The following IBA57 variants were observed in gnomAD, a reference collection of about 807,000 sequenced individuals.
IBA57 encodes the protein iron-sulfur cluster assembly factor IBA57.
IBA57 carries 20 observed loss-of-function variants against 20.4 expected under a neutral mutation model. That is an observed-to-expected ratio of 0.98 (90% CI 0.69 to 1.42). The LOEUF (loss-of-function observed/expected upper bound fraction) is 1.42. Ranked by LOEUF, IBA57 falls within the 40% of genes most tolerant of loss-of-function variation. IBA57 has a pLI of 0.00. For missense variants in IBA57, 608 were observed against 499.3 expected, an observed-to-expected ratio of 1.22 and a Z score of -2.07; for synonymous variants, 310 against 233.9, an observed-to-expected ratio of 1.33 and a Z score of -2.97.
At chr1:228,166,839 C>T (rs749779031) in intron 1 of IBA57, among the ~76,000 whole-genome samples, 33 of 152,260 alleles carry the variant, frequency 2.2e-4, no homozygotes, top group Middle Eastern at 6.8e-3. Flanking sequence ...ATCTGGTTCG[C>T]GGCCGCCTGC....
Position 228,180,468 on chromosome 1 carries a change from C to T in IBA57, c.*4955C>T, listed in dbSNP as rs1020662977. ...CCCAAACCTACAGTGTTCTAAAGTCCCCCTACTGGTCGGAAGGAGGGCACG... is the reference window on the plus strand; with the variant it reads ...CCCAAACCTACAGTGTTCTAAAGTCTCCCTACTGGTCGGAAGGAGGGCACG... On this transcript the variant is annotated 3_prime_UTR_variant, in exon 3 of 3. Transcript: ENST00000366711. 6.6e-6 allele frequency: 1 copy of T among 152,116 alleles called. No individual in the cohort carries two copies. The highest frequency in any genetic ancestry group is 1.5e-5 in the Non-Finnish European group (1 of 68,018). The allele number at this position is 152,116 out of a possible 1,614,324, so 9.4% of individuals were successfully genotyped here. A position where few individuals can be genotyped will look rare whatever the true frequency, so the allele number is the denominator to read the frequency against.
chr1:228,174,749 G>A lies in IBA57; in HGVS notation c.399G>A (p.Gln133=), dbSNP rs759179543. ...TTCTGGAGTGTGACAGCTCGGTGCAGGGCGCGCTGCAGAAGCACCTCGCGC... is the reference window on the plus strand; with the variant it reads ...TTCTGGAGTGTGACAGCTCGGTGCAAGGCGCGCTGCAGAAGCACCTCGCGC... The part of the protein sequence containing the change: ...GFLLECDSSV[Q]GALQKHLALY... Residue 133 remains glutamine (Q), a synonymous_variant, in exon 2 of 3, where the codon CAG becomes CAA. Transcript: ENST00000366711. 1.9e-6 allele frequency: 3 copies of A among 1,606,546 alleles called. No individual in the cohort carries two copies. The highest frequency in any genetic ancestry group is 1.7e-5 in the Admixed American group (1 of 59,838).
In IBA57 at chr1:228,166,016, C is replaced by T. The variant is rs1310652896; in HGVS notation, c.200C>T (p.Ala67Val). Residue 67 changes from alanine (A) to valine (V), a missense_variant, in exon 1 of 3, where the codon GCG (alanine) becomes GTG (valine). By Grantham distance (64) the Ala-to-Val change is moderately conservative. Transcript: ENST00000366711. ...CTGCGCGTGCGTGGCCCCGACGCGG[C>T]GCCCTTCCTGCTAGGGCTGCTGACC... ...TLLRVRGPDA[A>V]PFLLGLLTNE... 3.3e-6 allele frequency: 5 copies of T among 1,532,696 alleles called. No individual in the cohort carries two copies. Among genetic ancestry groups the T allele is most frequent in the Non-Finnish European group, 2.6e-6 (3 of 1,146,672 alleles). 94.9% of individuals were successfully genotyped at this position (1,532,696 alleles called of 1,614,324 possible).
intron 1 of IBA57, among the ~76,000 whole-genome samples, chr1:228,174,057 C>T (rs1355923634): frequency 1.3e-5 from 2 of 152,176 alleles, no homozygotes; most frequent in Non-Finnish European, 2.9e-5. Context: ...GCGCTGGTCT[C>T]CAAGGTGCCC....
intron 1 of IBA57, chr1:228,171,471 G>C (rs2034926958): frequency 6.6e-6 from 1 of 152,318 alleles, no homozygotes; most frequent in Non-Finnish European, 1.5e-5. Flanking sequence ...CAGAACCTGG[G>C]TCCTGTGAGG....
chr1:228,175,607 G>C lies in IBA57; in HGVS notation c.*94G>C. On this transcript the variant is annotated 3_prime_UTR_variant, in exon 3 of 3. Transcript: ENST00000366711. ...TCTTCCCGTCCCATCTGTCTGCTGC[G>C]CCTACTGGGTGGGAGCCCTGGTTTC... 1 of 1,428,498 alleles carries C rather than the reference G, an allele frequency of 7.0e-7. No individual in the cohort carries two copies. The highest frequency in any genetic ancestry group is 1.4e-5 in the African/African-American group (1 of 69,844). 88.5% of individuals were successfully genotyped at this position (1,428,498 alleles called of 1,614,324 possible). A position where few individuals can be genotyped will look rare whatever the true frequency, so the allele number is the denominator to read the frequency against.
Position 228,175,517 on chromosome 1 carries a change from G to A in IBA57, c.*4G>A, listed in dbSNP as rs771748051. On this transcript the variant is annotated 3_prime_UTR_variant, in exon 3 of 3. Coordinates refer to ENST00000366711, the MANE Select transcript of IBA57 (RefSeq NM_001010867.4). Reference sequence around the variant, plus strand: ...GTGGCCTACAGTCTCCAAGTAGTCCGAAGCCTTGGCTGGCGCAGGCTGATG... The same window carrying A: ...GTGGCCTACAGTCTCCAAGTAGTCCAAAGCCTTGGCTGGCGCAGGCTGATG... The A allele has an allele frequency of 4.5e-6, 7 of 1,551,674 alleles. No homozygotes were observed. In the Admixed American group the frequency reaches 9.4e-5, roughly 21 times the overall value.
chr1:228,174,839 G>A lies in IBA57; in HGVS notation c.489G>A (p.Leu163=). 1 of 1,610,402 alleles carries A rather than the reference G, an allele frequency of 6.2e-7. No individual in the cohort carries two copies. The change falls in exon 2 of 3, where the codon TTG becomes TTA. Residue 163 remains leucine, a synonymous_variant. Coordinates refer to ENST00000366711, the MANE Select transcript of IBA57 (RefSeq NM_001010867.4). ...CGGAGCTGCGAGTGTGGGCGGTGTT[G>A]CCCAGTTCCCCTGAGGCCTGCGGGG... ...PHPELRVWAV[L]PSSPEACGAA...
rs1180351594 is a variant in IBA57, at chr1:228,181,924, G to A, written c.*6411G>A. The A allele has an allele frequency of 6.6e-6, 1 of 152,250 alleles. No individual in the cohort carries two copies. Among genetic ancestry groups the A allele is most frequent in the Non-Finnish European group, 1.5e-5 (1 of 68,058 alleles). 9.4% of individuals were successfully genotyped at this position (152,250 alleles called of 1,614,324 possible). ...GCAGTGCTCCACGTGCCAACCCTGG[G>A]GCAGGGAGCCCAAGCTAGGACTGTG... On this transcript the variant is annotated 3_prime_UTR_variant, in exon 3 of 3. Transcript: ENST00000366711.
rs2035042684 is a variant in IBA57, at chr1:228,177,353, A to G, written c.*1840A>G. 1 of 152,076 alleles carries G rather than the reference A, an allele frequency of 6.6e-6. No individual in the cohort carries two copies. Among genetic ancestry groups the G allele is most frequent in the Non-Finnish European group, 1.5e-5 (1 of 68,102 alleles). The allele number at this position is 152,076 out of a possible 1,614,324, so 9.4% of individuals were successfully genotyped here. On this transcript the variant is annotated 3_prime_UTR_variant, in exon 3 of 3. Transcript: ENST00000366711. ...AGGGCTAGGAGGTGAGCCAGGAAGGAAGCACTCCACTCCAGAGTGAGGTGC... is the reference window on the plus strand; with the variant it reads ...AGGGCTAGGAGGTGAGCCAGGAAGGGAGCACTCCACTCCAGAGTGAGGTGC...
At chr1:228,167,848 A>C (rs965890623) in intron 1 of IBA57, among the ~76,000 whole-genome samples, 1 of 152,162 alleles carries the variant, frequency 6.6e-6, no homozygotes, top group South Asian at 2.1e-4. Flanking sequence ...TAGCTGCTTT[A>C]ATTTCTTCAT....
In IBA57 at chr1:228,175,435, G is replaced by A. The variant is rs772711704; in HGVS notation, c.993G>A (p.Leu331=). 3 of 1,611,906 alleles carry A rather than the reference G, an allele frequency of 1.9e-6. No individual in the cohort carries two copies. In the East Asian group the frequency reaches 6.7e-5, roughly 36 times the overall value. ...LLWSEKIKGP[L]HIRASEGAQV... ...GGTCAGAGAAGATCAAGGGTCCTCT[G>A]CACATCAGAGCCTCTGAGGGTGCCC... Residue 331 remains leucine, a synonymous_variant, in exon 3 of 3, where the codon CTG becomes CTA. Coordinates refer to ENST00000366711, the MANE Select transcript of IBA57 (RefSeq NM_001010867.4).
Position 228,166,095 on chromosome 1 carries a change from C to G in IBA57, c.279C>G (p.Arg93=), listed in dbSNP as rs750061256. The G allele has an allele frequency of 1.7e-4, 267 of 1,535,404 alleles. 1 individual carries two copies. Among genetic ancestry groups the G allele is most frequent in the Non-Finnish European group, 4.1e-5 (47 of 1,143,280 alleles). Residue 93 remains arginine, a synonymous_variant, in exon 1 of 3, where the codon CGC becomes CGG. Transcript: ENST00000366711. ...PAAAGAPPAA[R]AGYAHFLNVQ... is the part of the protein sequence containing the mutation. The stretch of plus-strand genomic sequence containing the variant: ...CCGCGGGGGCCCCGCCTGCTGCGCG[C>G]GCGGGCTACGCCCACTTCCTGAACG...
chr1:228,166,180 C>T (rs555729363), intron 1 of IBA57, 23 bp downstream of exon 1: 4 of 1,414,338 alleles, frequency 2.8e-6, no homozygotes, highest in Admixed American at 2.8e-5. Context: ...TGGGAGGGCG[C>T]TCGGGGGCGG....
chr1:228,181,309 C>G lies in IBA57; in HGVS notation c.*5796C>G, dbSNP rs2035108573. 6.6e-6 allele frequency: 1 copy of G among 152,244 alleles called. No homozygotes were observed. The highest frequency in any genetic ancestry group is 6.5e-5 in the Admixed American group (1 of 15,286). 9.4% of individuals were successfully genotyped at this position (152,244 alleles called of 1,614,324 possible). A position where few individuals can be genotyped will look rare whatever the true frequency, so the allele number is the denominator to read the frequency against. ...TGTAAATGAGTCAGCCTCAGGTATT[C>G]TCTTGTAGCAGCACAAATGGAGGCA... On this transcript the variant is annotated 3_prime_UTR_variant, in exon 3 of 3. Coordinates refer to ENST00000366711, the MANE Select transcript of IBA57 (RefSeq NM_001010867.4).
Position 228,165,874 on chromosome 1 carries a change from C to T in IBA57, c.58C>T (p.Arg20Cys). Residue 20 changes from arginine (R) to cysteine (C), a missense_variant, in exon 1 of 3, where the codon CGC becomes TGC. By Grantham distance (180) the Arg-to-Cys change is radical. Coordinates refer to ENST00000366711, the MANE Select transcript of IBA57 (RefSeq NM_001010867.4). ...TCCGGGGCGCGGCGGCCCGGTCTGG[C>T]GCTGGCGGCTGCGCGCGGCCCCAAG... The part of the protein sequence containing the change: ...ATPGRGGPVW[R>C]WRLRAAPRCR... 2 of 1,334,308 alleles carry T rather than the reference C, an allele frequency of 1.5e-6. No homozygotes were observed. The highest frequency in any genetic ancestry group is 9.5e-7 in the Non-Finnish European group (1 of 1,048,864). 82.7% of individuals were successfully genotyped at this position (1,334,308 alleles called of 1,614,324 possible). A position where few individuals can be genotyped will look rare whatever the true frequency, so the allele number is the denominator to read the frequency against.
At position 228,180,746 on chromosome 1, in the gene IBA57, A is replaced by C. The variant is rs1411542093; in HGVS notation, c.*5233A>C. 1 of 151,576 alleles carries C rather than the reference A, an allele frequency of 6.6e-6. No homozygotes were observed. Among genetic ancestry groups the C allele is most frequent in the Non-Finnish European group, 1.5e-5 (1 of 67,968 alleles). 9.4% of individuals were successfully genotyped at this position (151,576 alleles called of 1,614,324 possible). On this transcript the variant is annotated 3_prime_UTR_variant, in exon 3 of 3. Coordinates refer to ENST00000366711, the MANE Select transcript of IBA57 (RefSeq NM_001010867.4). ...ACTACAGCCTCAACCTTCTGGGCTC[A>C]GATGATTCTCCTGCCTCAGCCTCCT... is the stretch of plus-strand genomic sequence containing the variant.
At chr1:228,167,604 G>T (rs944423435) in intron 1 of IBA57, among the ~76,000 whole-genome samples, 4 of 152,084 alleles carry the variant, frequency 2.6e-5, no homozygotes, top group African/African-American at 7.2e-5. Flanking sequence ...TGATCCACCC[G>T]CCTCGGCCTC....
chr1:228,171,201 G>A (rs926225218), intron 1 of IBA57: 2 of 152,336 alleles, frequency 1.3e-5, no homozygotes, highest in African/African-American at 4.8e-5. Flanking sequence ...GCGGTATCTG[G>A]AAATATTTTT....
Sources: gnomAD v4.1 joint callset for allele counts (sites outside exome capture counted in the v4.1 genomes callset) on GRCh38, gnomAD v4.1.1 for gene constraint, MANE v1.5 for transcripts, NCBI Gene and HGNC (gene_info 2026-07-23, HGNC 2026-07-21) for gene names.